ADGRD1: variants seen among roughly 807,000 people sequenced by gnomAD.
ADGRD1 encodes the protein adhesion G protein-coupled receptor D1, also known as G-protein coupled receptor 133.
In ADGRD1, 77 loss-of-function variants were observed where a neutral mutation model predicts 113.4. That is an observed-to-expected ratio of 0.68 (90% CI 0.57 to 0.82). The LOEUF is 0.82. Among genes scored for constraint, ADGRD1 ranks in the 40% least tolerant of loss-of-function variants. The pLI is 0.00. For missense variants in ADGRD1, 1,036 were observed against 1,139.1 expected, an observed-to-expected ratio of 0.91 and a Z score of 1.30; for synonymous variants, 474 against 475.0, an observed-to-expected ratio of 1.00 and a Z score of 0.03.
intron 13 of ADGRD1, among the ~76,000 whole-genome samples, chr12:131,032,175 TCTA>T (rs1880843368): frequency 8.3e-6 from 1 of 121,172 alleles, no homozygotes; most frequent in Non-Finnish European, 2.1e-5. Context: ...TCCCCCAGGC[TCTA>T]CTGAAGCCCT....
chr12:131,092,922 T>C (rs1887011311), intron 15 of ADGRD1, among the ~76,000 whole-genome samples: 1 of 151,294 alleles, frequency 6.6e-6, no homozygotes, highest in African/African-American at 2.4e-5. Context: ...GAGGAAGATG[T>C]GGCCACGCTG....
intron 15 of ADGRD1, among the ~76,000 whole-genome samples, chr12:131,103,527 T>TCCCATGGC (rs972205805): frequency 2.6e-5 from 4 of 152,298 alleles, no homozygotes; most frequent in Non-Finnish European, 2.9e-5. Flanking sequence ...TGTTCGGGCT[T>TCCCATGGC]CCCATGGCCC....
intron 18 of ADGRD1, among the ~76,000 whole-genome samples, chr12:131,111,379 A>G (rs1195926): frequency 0.15 from 23,139 of 152,266 alleles, 2,055 homozygotes; most frequent in Non-Finnish European, 0.2. Flanking sequence ...GGCGTGAGCC[A>G]CCATGCCTGG....
intron 13 of ADGRD1, among the ~76,000 whole-genome samples, chr12:131,049,508 T>C (rs1334816301): frequency 6.6e-6 from 1 of 152,194 alleles, no homozygotes; most frequent in Non-Finnish European, 1.5e-5. Context: ...CACTTCCTAA[T>C]ATGCCTTAGA....
In ADGRD1 at chr12:131,003,163, C is replaced by T. The variant is rs747721161; in HGVS notation, c.1027-22C>T. ...CTGAGTGGGGTGGATTTTCATGGCT[C>T]CTGGTGCTTGTGTTGCTGCAGGACA... is the stretch of plus-strand genomic sequence containing the variant. On this transcript the variant is annotated intron_variant, in intron 9 of 24. Transcript: ENST00000261654. This position sits in a 1 kb window ranked among gnomAD's most constrained non-coding sequence, Gnocchi z 4.8. The T allele has an allele frequency of 2.1e-5, 33 of 1,581,626 alleles. No individual in the cohort carries two copies. Among genetic ancestry groups the T allele is most frequent in the Non-Finnish European group, 2.4e-5 (28 of 1,150,780 alleles).
intron 2 of ADGRD1, among the ~76,000 whole-genome samples, chr12:130,964,412 G>A (rs1218169894): frequency 2.6e-5 from 4 of 152,160 alleles, no homozygotes; most frequent in Admixed American, 6.5e-5. Flanking sequence ...GGGGCCAGGC[G>A]CGTTGGCTCA....
chr12:130,996,661 A>AC (rs1159380728), intron 8 of ADGRD1, among the ~76,000 whole-genome samples: 1 of 70,182 alleles, frequency 1.4e-5, no homozygotes, highest in Admixed American at 1.4e-4. Context: ...CGGGGGGCTG[A>AC]CCCCCCCACC....
chr12:131,102,713 G>T (rs1476770525), intron 15 of ADGRD1, among the ~76,000 whole-genome samples: 1 of 152,230 alleles, frequency 6.6e-6, no homozygotes, highest in Non-Finnish European at 1.5e-5. Context: ...GGCACCTGCT[G>T]CAGGGAAGCC....
intron 4 of ADGRD1, among the ~76,000 whole-genome samples, chr12:130,975,709 T>G (rs1297720550): frequency 2.0e-5 from 3 of 152,230 alleles, no homozygotes; most frequent in African/African-American, 7.2e-5. Flanking sequence ...TTTATTGCTG[T>G]GTCGGTTAAG....
chr12:131,077,237 GA>G (rs71451396), intron 14 of ADGRD1, among the ~76,000 whole-genome samples: 21,950 of 152,164 alleles, frequency 0.14, 2,155 homozygotes, highest in African/African-American at 0.28. Flanking sequence ...AGCAGCTGAG[GA>G]AGGGGGTTGG....
chr12:131,104,273 G>T (rs1950174099), intron 15 of ADGRD1, among the ~76,000 whole-genome samples: 1 of 151,766 alleles, frequency 6.6e-6, no homozygotes, highest in African/African-American at 2.4e-5. Context: ...ACTACTTTGT[G>T]CGGGGACTGG....
At chr12:131,013,261 A>T (rs897706159) in intron 12 of ADGRD1, among the ~76,000 whole-genome samples, 13 of 152,118 alleles carry the variant, frequency 8.5e-5, no homozygotes, top group African/African-American at 3.1e-4. Context: ...GGGGGAGTTT[A>T]TTGGATCACG....
intron 16 of ADGRD1, among the ~76,000 whole-genome samples, chr12:131,105,186 C>G (rs1393837354): frequency 6.6e-6 from 1 of 152,272 alleles, no homozygotes; most frequent in East Asian, 1.9e-4. Context: ...CTCCCACGTT[C>G]CTCAGCACAG....
intron 13 of ADGRD1, among the ~76,000 whole-genome samples, chr12:131,040,962 G>C (rs1389304922): frequency 6.6e-6 from 1 of 152,222 alleles, no homozygotes; most frequent in Non-Finnish European, 1.5e-5. Context: ...TCGCGGTGCA[G>C]GTCTGACCTG....
intron 13 of ADGRD1, among the ~76,000 whole-genome samples, chr12:131,020,845 G>A (rs1306329541): frequency 2.0e-5 from 3 of 152,240 alleles, no homozygotes; most frequent in Non-Finnish European, 4.4e-5. Context: ...GACACAGGGT[G>A]CCTTCGGGCT....
chr12:131,123,049 T>G lies in ADGRD1; in HGVS notation c.2175+2136T>G, dbSNP rs1228339141. On this transcript the variant is annotated intron_variant, in intron 20 of 24. Transcript: ENST00000261654. Reference sequence around the variant, plus strand: ...TGAATTACCTGGGGAGTTTTTTTTTTTTTTTTTTTTTTTTTTTTTTTTTTG... The same window carrying G: ...TGAATTACCTGGGGAGTTTTTTTTTGTTTTTTTTTTTTTTTTTTTTTTTTG... Among the ~76,000 whole-genome samples, 123 of 123,088 alleles carry G rather than the reference T, an allele frequency of 1.0e-3. 1 individual carries two copies. The highest frequency in any genetic ancestry group is 3.9e-3 in the Middle Eastern group (1 of 256). 80.8% of individuals were successfully genotyped at this position (123,088 alleles called of 152,430 possible). A position where few individuals can be genotyped will look rare whatever the true frequency, so the allele number is the denominator to read the frequency against.
chr12:131,126,400 ATC>A (rs1456932003), intron 20 of ADGRD1, among the ~76,000 whole-genome samples: 1 of 152,174 alleles, frequency 6.6e-6, no homozygotes, highest in African/African-American at 2.4e-5. Flanking sequence ...ACTGTAATAA[ATC>A]TCTGTTCTTT....
chr12:130,988,375 G>GGT (rs1873951240), intron 6 of ADGRD1: 5 of 152,062 alleles, frequency 3.3e-5, no homozygotes, highest in Admixed American at 2.6e-4. Context: ...CCCCATGTAG[G>GGT]CACTCACAAA....
At chr12:131,031,821 G>A (rs776487737) in intron 13 of ADGRD1, among the ~76,000 whole-genome samples, 4 of 152,146 alleles carry the variant, frequency 2.6e-5, no homozygotes, top group South Asian at 4.1e-4. Context: ...CCAAACATCC[G>A]GGTCACTTCT....
Sources: allele counts gnomAD v4.1 joint callset (sites outside exome capture counted in the v4.1 genomes callset), GRCh38; gene constraint gnomAD v4.1.1; non-coding constraint Gnocchi (gnomAD v3.1); transcripts MANE v1.5; gene names NCBI Gene and HGNC (gene_info 2026-07-23, HGNC 2026-07-21).